SND1: variants seen among roughly 807,000 people sequenced by gnomAD.
SND1 encodes the protein staphylococcal nuclease domain-containing protein 1.
Under a neutral mutation model 121.7 loss-of-function variants are expected in SND1, and 38 were observed. The observed-to-expected ratio is 0.31, with a 90% CI of 0.24 to 0.41. SND1 has a LOEUF of 0.41. SND1 is among the 10% of genes least tolerant of loss of function. SND1 has a pLI of 1.00. For missense variants in SND1, 868 were observed against 1,184.6 expected (o/e 0.73, Z 3.92); for synonymous variants, 401 against 447.4 (o/e 0.90, Z 1.31).
intron 15 of SND1, among the ~76,000 whole-genome samples, chr7:127,962,290 G>C (rs1236384451): frequency 6.6e-6 from 1 of 152,198 alleles, no homozygotes; most frequent in African/African-American, 2.4e-5. Context: ...AAATCAAACA[G>C]AGGAGTGTTA....
At chr7:127,681,274 C>T (rs1258495668) in intron 1 of SND1, among the ~76,000 whole-genome samples, 5 of 152,146 alleles carry the variant, frequency 3.3e-5, no homozygotes, top group Non-Finnish European at 5.9e-5. Context: ...TTTTCATGTG[C>T]TTTTTGGACA....
intron 10 of SND1, among the ~76,000 whole-genome samples, chr7:127,775,792 C>A: frequency 6.6e-6 from 1 of 152,074 alleles, no homozygotes; most frequent in South Asian, 2.1e-4. Flanking sequence ...GCAGTATCAC[C>A]CACCCTCAGT....
At chr7:127,731,300 A>G (rs1422852724) in intron 10 of SND1, among the ~76,000 whole-genome samples, 1 of 152,268 alleles carries the variant, frequency 6.6e-6, no homozygotes, top group East Asian at 1.9e-4. Flanking sequence ...CCATTGGGAC[A>G]TTCAGGATTA....
intron 10 of SND1, among the ~76,000 whole-genome samples, chr7:127,787,357 C>G (rs1797831229): frequency 6.6e-6 from 1 of 152,166 alleles, no homozygotes; most frequent in African/African-American, 2.4e-5. Context: ...GCCTCAGCCT[C>G]CCAAGTACCT....
intron 16 of SND1, among the ~76,000 whole-genome samples, chr7:128,068,750 C>A (rs528440191): frequency 6.6e-6 from 1 of 152,344 alleles, no homozygotes; most frequent in East Asian, 1.9e-4. Context: ...AAGGGTGAGA[C>A]CACAGCTCGG....
intron 16 of SND1, chr7:128,031,970 A>AGCG (rs1265460081): frequency 6.7e-6 from 1 of 149,702 alleles, no homozygotes; most frequent in East Asian, 2.0e-4. Flanking sequence ...CCCGCTGGCT[A>AGCG]GCGGCGGCAG....
intron 16 of SND1, chr7:127,997,963 T>C: frequency 1.9e-6 from 1 of 534,820 alleles, no homozygotes; most frequent in South Asian, 1.4e-5. Flanking sequence ...ACCCTGTGCA[T>C]GTATCTGTTG....
rs192031958 is a variant in SND1, at chr7:127,997,430, T to C, written c.1779+6374T>C. On this transcript the variant is annotated intron_variant, in intron 16 of 23. Transcript: ENST00000354725. ...GCAGAGGAATTTGAAGAATTTGCTA[T>C]GCCCATGCCTCCCCTAAATATTTAC... 324 of 314,318 alleles carry C rather than the reference T, an allele frequency of 1.0e-3. 2 individuals carry two copies. Among genetic ancestry groups the C allele is most frequent in the African/African-American group, 6.7e-3 (309 of 46,242 alleles). The allele number at this position is 314,318 out of a possible 1,614,324, so 19.5% of individuals were successfully genotyped here.
At chr7:127,990,807 C>G (rs947341019) in intron 15 of SND1, 140 bp from the exon 16 acceptor site, 3 of 616,864 alleles carry the variant, frequency 4.9e-6, no homozygotes, top group Non-Finnish European at 5.7e-6. Flanking sequence ...CTCCCATTAC[C>G]TCTGTCTTCG....
chr7:127,961,818 T>C (rs1262222959), intron 15 of SND1, among the ~76,000 whole-genome samples: 1 of 152,086 alleles, frequency 6.6e-6, no homozygotes, highest in Non-Finnish European at 1.5e-5. Context: ...GAGACCTAGT[T>C]GGAAGAAAAA....
chr7:127,852,227 G>A (rs1799177766), intron 12 of SND1, among the ~76,000 whole-genome samples: 1 of 151,766 alleles, frequency 6.6e-6, no homozygotes, highest in East Asian at 1.9e-4. Flanking sequence ...GGGCGAGATG[G>A]CTCACGTCTG....
At chr7:127,774,975 TAG>T (rs1365433410) in intron 10 of SND1, among the ~76,000 whole-genome samples, 7 of 152,350 alleles carry the variant, frequency 4.6e-5, no homozygotes, top group Non-Finnish European at 1.0e-4. Context: ...TTCAGTACTG[TAG>T]AGTCTTTGCA....
chr7:128,030,775 G>A, intron 16 of SND1: 1 of 1,169,596 alleles, frequency 8.5e-7, no homozygotes, highest in Non-Finnish European at 1.2e-6. Context: ...CGATTAGAGA[G>A]ACGGAGCGGA....
At chr7:127,905,476 G>GTA (rs1256367880) in intron 14 of SND1, among the ~76,000 whole-genome samples, 1 of 152,124 alleles carries the variant, frequency 6.6e-6, no homozygotes, top group African/African-American at 2.4e-5. Context: ...TAGTCAACAA[G>GTA]TATTTGTTGA....
chr7:127,713,928 C>T (rs1235751087), intron 9 of SND1, among the ~76,000 whole-genome samples: 2 of 152,202 alleles, frequency 1.3e-5, no homozygotes, highest in Non-Finnish European at 2.9e-5. Context: ...CCCGTCGTGG[C>T]CTGCCAGTTC....
chr7:128,089,929 T>TC (rs1351684763), intron 22 of SND1: 33 of 505,554 alleles, frequency 6.5e-5, no homozygotes, highest in Non-Finnish European at 9.7e-5. Context: ...GCGGAAAGCT[T>TC]CCCTCCCCAT....
chr7:127,844,630 G>A (rs1799024190), intron 12 of SND1, among the ~76,000 whole-genome samples: 1 of 152,136 alleles, frequency 6.6e-6, no homozygotes, highest in Admixed American at 6.5e-5. Flanking sequence ...CATTATTGTA[G>A]TTATTTAAGA....
chr7:127,941,664 T>C (rs1314959307), intron 15 of SND1, among the ~76,000 whole-genome samples: 1 of 152,232 alleles, frequency 6.6e-6, no homozygotes, highest in Non-Finnish European at 1.5e-5. Flanking sequence ...CATGCGGTTA[T>C]TAACTCCACT....
Position 128,084,724 on chromosome 7 carries a change from G to A in SND1, c.2111G>A (p.Gly704Asp). ...LHFYVQDVETGTQLEKLMENM... is the reference protein window; with the variant it reads ...LHFYVQDVETDTQLEKLMENM... ...TCACTGTGCTCTTCCTCCCTGGCAG[G>A]CACCCAGTTGGAGAAGCTGATGGAG... The change falls in exon 19 of 24, where the codon GGC becomes GAC. Residue 704 changes from glycine (G) to aspartate (D), a missense_variant and splice_region_variant. By Grantham distance (94) the Gly-to-Asp change is moderately conservative. Around this residue, in one of 2 missense-constraint regions of SND1, gnomAD observed 743 missense variants for 1,071.3 expected, o/e 0.69. Transcript: ENST00000354725. 6.2e-7 allele frequency: 1 copy of A among 1,604,184 alleles called. No homozygotes were observed. Among genetic ancestry groups the A allele is most frequent in the Admixed American group, 1.7e-5 (1 of 59,208 alleles).
Sources: gnomAD v4.1 joint callset for allele counts (sites outside exome capture counted in the v4.1 genomes callset) on GRCh38, gnomAD v4.1.1 for gene constraint, gnomAD v4.1.1 regional missense constraint, MANE v1.5 for transcripts, NCBI Gene and HGNC (gene_info 2026-07-23, HGNC 2026-07-21) for gene names.